The following C12orf42 variants were observed in gnomAD, a reference collection of about 807,000 sequenced individuals.
C12orf42 encodes chromosome 12 open reading frame 42.
C12orf42 carries 25 observed loss-of-function variants against 21.6 expected under a neutral mutation model. The ratio of observed to expected loss-of-function variants is 1.16; its 90% CI spans 0.84 to 1.62. The LOEUF (loss-of-function observed/expected upper bound fraction) is 1.62. Among genes scored for constraint, C12orf42 ranks in the 40% most tolerant of loss-of-function variants. The pLI is 0.00. For synonymous variants in C12orf42, 174 were observed against 175.0 expected, an observed-to-expected ratio of 0.99 and a Z score of 0.05; for missense variants, 483 against 459.3, an observed-to-expected ratio of 1.05 and a Z score of -0.47.
chr12:103,467,336 G>A (rs1953222842), intron 2 of C12orf42, among the ~76,000 whole-genome samples: 1 of 152,156 alleles, frequency 6.6e-6, no homozygotes, highest in African/African-American at 2.4e-5. Flanking sequence ...GGAGGATAGG[G>A]ACTGGGGAGA....
the C12orf42 span, among the ~76,000 whole-genome samples, chr12:103,072,444 T>TAA: frequency 0.012 from 1,656 of 140,894 alleles, 37 homozygotes; most frequent in African/African-American, 0.04. Context: ...TGTTCTCAGC[T>TAA]AAAAAAAAAA....
At chr12:103,294,620 GAA>G (rs748535679) in intron 4 of C12orf42, among the ~76,000 whole-genome samples, 1 of 138,866 alleles carries the variant, frequency 7.2e-6, no homozygotes, top group Non-Finnish European at 1.5e-5. Flanking sequence ...AAGAAAGAAA[GAA>G]AGAAAGAAAG....
the C12orf42 span, among the ~76,000 whole-genome samples, chr12:103,539,588 T>G: frequency 0.031 from 4,747 of 152,200 alleles, 89 homozygotes; most frequent in Middle Eastern, 0.061. Context: ...AATTTTTTTT[T>G]TTTTCTTTTG....
At chr12:103,170,302 G>C in the C12orf42 span, among the ~76,000 whole-genome samples, 42 of 152,000 alleles carry the variant, frequency 2.8e-4, 1 homozygote, top group East Asian at 7.7e-3. Context: ...TTTTCATTTG[G>C]ATGTCTAGCC....
At chr12:103,521,749 T>A in the C12orf42 span, among the ~76,000 whole-genome samples, 1 of 152,196 alleles carries the variant, frequency 6.6e-6, no homozygotes, top group African/African-American at 2.4e-5. Context: ...CTTTCTACTT[T>A]AGTCAATGAA....
At chr12:103,262,721 CA>C (rs1196793929) in intron 10 of C12orf42, among the ~76,000 whole-genome samples, 1 of 152,022 alleles carries the variant, frequency 6.6e-6, no homozygotes, top group Non-Finnish European at 1.5e-5. Context: ...TAAATTAGTT[CA>C]ACCATTGTGG....
intron 4 of C12orf42, among the ~76,000 whole-genome samples, chr12:103,340,982 G>A (rs945021627): frequency 2.5e-4 from 38 of 151,552 alleles, no homozygotes; most frequent in African/African-American, 8.0e-4. Flanking sequence ...ACATGGTGGC[G>A]AGTACCTGTA....
chr12:103,146,560 AAAAGAAAGAAAGAAAGAAAG>A, the C12orf42 span, among the ~76,000 whole-genome samples: 2 of 119,958 alleles, frequency 1.7e-5, no homozygotes, highest in African/African-American at 6.6e-5. Context: ...ATAAAGAAAG[AAAAGAAAGAAAGAAAGAAAG>A]AAAGAAAGAA....
At chr12:103,306,480 A>T (rs1005797164) in intron 4 of C12orf42, 135 bp from the exon 5 acceptor site, 58 of 1,026,238 alleles carry the variant, frequency 5.7e-5, no homozygotes, top group Non-Finnish European at 4.3e-5. Flanking sequence ...CAAAAATGAC[A>T]GACTAGGGTA....
chr12:103,434,175 C>A (rs553183459), intron 2 of C12orf42, among the ~76,000 whole-genome samples: 1 of 152,284 alleles, frequency 6.6e-6, no homozygotes, highest in South Asian at 2.1e-4. Context: ...GATGGCTACA[C>A]CAGCTACAGA....
At chr12:103,352,327 TAG>T (rs1425351152) in intron 4 of C12orf42, among the ~76,000 whole-genome samples, 1 of 152,122 alleles carries the variant, frequency 6.6e-6, no homozygotes. Flanking sequence ...CTGTGCAGGA[TAG>T]AGACTATGAA....
chr12:103,116,931 C>T, the C12orf42 span, among the ~76,000 whole-genome samples: 5 of 152,088 alleles, frequency 3.3e-5, no homozygotes, highest in African/African-American at 9.7e-5. Context: ...GATAATTGTA[C>T]ATATTTATGG....
In C12orf42 at chr12:103,256,451, T is replaced by C. The variant is rs1209755824; in HGVS notation, c.*1366+6875A>G. ...ACCACCAAGAGCCCCAGGACCCACA[T>C]GGTATTGGCATCTGTGAAGGAGAAA... On this transcript the variant is annotated intron_variant and NMD_transcript_variant, in intron 10 of 10. Transcript: ENST00000547347. Among the ~76,000 whole-genome samples the C allele has an allele frequency of 3.3e-5, 5 of 150,304 alleles. No homozygotes were observed. The Admixed American group carries it at 3.3e-4, about 10-fold the overall frequency.
intron 4 of C12orf42, among the ~76,000 whole-genome samples, chr12:103,328,022 C>T (rs929919637): frequency 6.6e-6 from 1 of 152,112 alleles, no homozygotes; most frequent in Non-Finnish European, 1.5e-5. Flanking sequence ...GAAGTGATAT[C>T]ATTAGGATTG....
the C12orf42 span, among the ~76,000 whole-genome samples, chr12:103,086,231 G>A: frequency 6.6e-6 from 1 of 152,000 alleles, no homozygotes; most frequent in African/African-American, 2.4e-5. Flanking sequence ...AAGGTGTTAG[G>A]CACCAAAGAG....
the C12orf42 span, among the ~76,000 whole-genome samples, chr12:103,104,799 C>T: frequency 6.6e-6 from 1 of 152,222 alleles, no homozygotes; most frequent in South Asian, 2.1e-4. Context: ...TCAAGATGTG[C>T]AGCTGAACCT....
At chr12:103,447,528 T>C (rs1951656978) in intron 2 of C12orf42, among the ~76,000 whole-genome samples, 1 of 151,918 alleles carries the variant, frequency 6.6e-6, no homozygotes, top group Non-Finnish European at 1.5e-5. Context: ...GATATAATCA[T>C]ACACCTAGAA....
rs774618246 is a variant in C12orf42 at position 103,302,389 on chromosome 12, C to T, written c.802G>A (p.Ala268Thr). The change falls in exon 6 of 6, where the codon GCG (alanine) becomes ACG (threonine). Residue 268 changes from alanine (A) to threonine (T), a missense_variant. Physicochemically the swap from Ala to Thr is moderately conservative, Grantham distance 58. Transcript: ENST00000548883. Reference sequence around the variant, plus strand: ...CCTTTTCCGACGGGATTTCCGGACGCGCCCAGGAGTCTGCTTTGGATGTCG... The same window carrying T: ...CCTTTTCCGACGGGATTTCCGGACGTGCCCAGGAGTCTGCTTTGGATGTCG... ...PDDIQSRLLGASGNPVGKGAV... is the reference protein window; with the variant it reads ...PDDIQSRLLGTSGNPVGKGAV... 1.4e-5 allele frequency: 23 copies of T among 1,613,904 alleles called. No individual in the cohort carries two copies. The highest frequency in any genetic ancestry group is 1.1e-4 in the East Asian group (5 of 44,854).
chr12:103,484,873 T>G (rs1253240175), intron 1 of C12orf42, among the ~76,000 whole-genome samples: 3 of 141,932 alleles, frequency 2.1e-5, no homozygotes, highest in East Asian at 2.0e-4. Flanking sequence ...GTTTTTTTTT[T>G]TTTTTTTTTT....
Sources: allele counts gnomAD v4.1 joint callset (sites outside exome capture counted in the v4.1 genomes callset), GRCh38; gene constraint gnomAD v4.1.1; transcripts MANE v1.5; gene names NCBI Gene and HGNC (gene_info 2026-07-23, HGNC 2026-07-21).